Variants in BUD23 observed in about 807,000 individuals in gnomAD.
The protein encoded by BUD23 is BUD23 rRNA methyltransferase and ribosome maturation factor.
Under a neutral mutation model 47.0 loss-of-function variants are expected in BUD23, and 34 were observed. That is an observed-to-expected ratio of 0.72 (90% CI 0.55 to 0.96). BUD23 has a LOEUF of 0.96. Ranked by LOEUF, BUD23 falls within the 40% of genes least tolerant of loss-of-function variation. BUD23 has a pLI of 0.00. For missense variants in BUD23, 343 were observed against 361.2 expected (o/e 0.95, Z 0.41); for synonymous variants, 124 against 132.0 (o/e 0.94, Z 0.41).
chr7:73,691,340 G>A (rs1798188234), intron 6 of BUD23, among the ~76,000 whole-genome samples: 1 of 152,102 alleles, frequency 6.6e-6, no homozygotes, highest in African/African-American at 2.4e-5. Flanking sequence ...TTGGTTTGGG[G>A]GCATGGACTG....
At chr7:73,686,961 G>A in intron 4 of BUD23, 38 bp from the exon 5 acceptor site, 3 of 1,613,850 alleles carry the variant, frequency 1.9e-6, no homozygotes, top group Non-Finnish European at 2.5e-6. Flanking sequence ...GAAGCCACAG[G>A]TATTTCTCTT....
chr7:73,696,011 CTTG>C (rs1384594819), intron 10 of BUD23: 1 of 152,046 alleles, frequency 6.6e-6, no homozygotes, highest in African/African-American at 2.4e-5. Flanking sequence ...AAAATAGTGT[CTTG>C]TTAGTAAAAA....
At chr7:73,688,069 T>A (rs569425093) in intron 5 of BUD23, among the ~76,000 whole-genome samples, 3 of 152,182 alleles carry the variant, frequency 2.0e-5, no homozygotes, top group African/African-American at 4.8e-5. Flanking sequence ...CTAATTTTTT[T>A]ATATTTTTAG....
chr7:73,693,893 C>G, intron 9 of BUD23, 99 bp from the exon 10 acceptor site: 1 of 1,490,524 alleles, frequency 6.7e-7, no homozygotes, highest in Non-Finnish European at 9.3e-7. Context: ...GGACCTCGTC[C>G]CTGTCGGAAG....
chr7:73,691,246 G>A (rs1259905355), intron 6 of BUD23, among the ~76,000 whole-genome samples: 3 of 152,156 alleles, frequency 2.0e-5, no homozygotes, highest in Non-Finnish European at 4.4e-5. Flanking sequence ...TACCAAAATC[G>A]GAGACCAATT....
chr7:73,695,944 T>C (rs1209911503), intron 10 of BUD23: 1 of 152,242 alleles, frequency 6.6e-6, no homozygotes, highest in Non-Finnish European at 1.5e-5. Flanking sequence ...GGTTATTATT[T>C]GTATCTCCAG....
chr7:73,697,150 T>C, intron 10 of BUD23: 1 of 402,242 alleles, frequency 2.5e-6, no homozygotes, highest in Middle Eastern at 7.6e-4. Context: ...TCTTCCCTCA[T>C]ACCCCTCAGT....
chr7:73,691,774 CT>C (rs797038888), intron 6 of BUD23, among the ~76,000 whole-genome samples: 195 of 145,104 alleles, frequency 1.3e-3, no homozygotes, highest in Admixed American at 1.1e-3. Context: ...TAATTTTTTA[CT>C]TTTTTTTTTT....
chr7:73,686,202 C>T (rs1403750572), intron 2 of BUD23, among the ~76,000 whole-genome samples: 1 of 152,198 alleles, frequency 6.6e-6, no homozygotes, highest in African/African-American at 2.4e-5. Flanking sequence ...CTGTTTCTCA[C>T]AGACAGTGCT....
At position 73,683,621 on chromosome 7, in the gene BUD23, T is replaced by C. The variant is rs1277577521; in HGVS notation, c.-5T>C. 1.2e-6 allele frequency: 2 copies of C among 1,608,190 alleles called. No homozygotes were observed. Among genetic ancestry groups the C allele is most frequent in the South Asian group, 1.1e-5 (1 of 90,754 alleles). ...CAGTCGCAGGTGTGCTGCTGAGGCG[T>C]GAGAATGGCGTCCCGCGGCCGGCGT... On this transcript the variant is annotated 5_prime_UTR_variant, in exon 1 of 12. Transcript: ENST00000265758.
At chr7:73,697,391 C>G in intron 10 of BUD23, 1 of 1,524,066 alleles carries the variant, frequency 6.6e-7, no homozygotes, top group South Asian at 1.2e-5. Context: ...CCTCCTCTGC[C>G]CACCCAACAA....
chr7:73,683,919 C>A, intron 2 of BUD23, 115 bp downstream of exon 2: 1 of 1,597,236 alleles, frequency 6.3e-7, no homozygotes. Context: ...AAGGGAAGGA[C>A]CCGGGTGGGT....
At chr7:73,689,342 C>T (rs549539988) in intron 5 of BUD23, among the ~76,000 whole-genome samples, 50 of 151,934 alleles carry the variant, frequency 3.3e-4, no homozygotes, top group African/African-American at 9.4e-4. Context: ...CCACCGCACC[C>T]GGCCCAGACT....
chr7:73,689,576 G>A (rs1563554457), intron 5 of BUD23, among the ~76,000 whole-genome samples: 1 of 152,130 alleles, frequency 6.6e-6, no homozygotes, highest in Non-Finnish European at 1.5e-5. Flanking sequence ...CACCTTGAAG[G>A]CTGGGAGGAA....
intron 10 of BUD23, chr7:73,694,339 C>A: frequency 2.8e-6 from 1 of 359,860 alleles, no homozygotes. Flanking sequence ...CTGATGCTGC[C>A]CTCCACCTGC....
intron 8 of BUD23, 21 bp from the exon 9 acceptor site, chr7:73,693,603 C>T: frequency 6.2e-7 from 1 of 1,614,206 alleles, no homozygotes; most frequent in Non-Finnish European, 8.5e-7. Flanking sequence ...CCAACCCTCA[C>T]TTTGCACTTT....
intron 5 of BUD23, among the ~76,000 whole-genome samples, chr7:73,689,479 G>T (rs189243179): frequency 9.8e-5 from 15 of 152,286 alleles, no homozygotes; most frequent in Non-Finnish European, 1.6e-4. Context: ...CATGGACCAG[G>T]CAACTGAATA....
rs1335799810 is a variant in BUD23 at position 73,687,231 on chromosome 7, C to T, written c.362+136C>T. The T allele has an allele frequency of 5.5e-6, 5 of 905,652 alleles. No individual in the cohort carries two copies. The East Asian group carries it at 1.1e-4, about 19-fold the overall frequency. The allele number at this position is 905,652 out of a possible 1,614,324, so 56.1% of individuals were successfully genotyped here. A position where few individuals can be genotyped will look rare whatever the true frequency, so the allele number is the denominator to read the frequency against. ...CTGGGTTCAGGTGATCTGCCCACCTCAGTCTCCTGAGTAGCTGGGACTACA... is the reference window on the plus strand; with the variant it reads ...CTGGGTTCAGGTGATCTGCCCACCTTAGTCTCCTGAGTAGCTGGGACTACA... On this transcript the variant is annotated intron_variant, in intron 5 of 11. Coordinates refer to ENST00000265758, the MANE Select transcript of BUD23 (RefSeq NM_017528.5).
At chr7:73,690,335 G>C (rs1332696968) in intron 5 of BUD23, among the ~76,000 whole-genome samples, 1 of 152,140 alleles carries the variant, frequency 6.6e-6, no homozygotes, top group Non-Finnish European at 1.5e-5. Flanking sequence ...GGGTTGTAAA[G>C]ACACTTAACA....
Sources: gnomAD v4.1 joint callset for allele counts (sites outside exome capture counted in the v4.1 genomes callset) on GRCh38, gnomAD v4.1.1 for gene constraint, MANE v1.5 for transcripts, NCBI Gene and HGNC (gene_info 2026-07-23, HGNC 2026-07-21) for gene names.